The following AGBL5 variants were observed in gnomAD, a reference collection of about 807,000 sequenced individuals.
AGBL5 encodes the protein cytosolic carboxypeptidase-like protein 5.
AGBL5 carries 51 observed loss-of-function variants against 88.0 expected under a neutral mutation model. That is an observed-to-expected ratio of 0.58 (90% CI 0.46 to 0.73). The LOEUF (loss-of-function observed/expected upper bound fraction) is 0.73. Ranked by LOEUF, AGBL5 falls within the 30% of genes least tolerant of loss-of-function variation. AGBL5 has a pLI of 0.00. For synonymous variants in AGBL5, 446 were observed against 438.8 expected (o/e 1.02, Z -0.21); for missense variants, 1,031 against 1,162.2 (o/e 0.89, Z 1.64).
Position 27,053,453 on chromosome 2 carries a change from G to C in AGBL5, c.267G>C (p.Lys89Asn). ...GAGGAATGCCAGGAAAACTCATCAA[G>C]ATCAACATTATGAACATGAACAAGC... The part of the protein sequence containing the change: ...VRGGMPGKLI[K>N]INIMNMNKQS... Residue 89 changes from lysine (K) to asparagine (N), a missense_variant, in exon 3 of 15, where the codon AAG (lysine) becomes AAC (asparagine). Coordinates refer to ENST00000360131, the MANE Select transcript of AGBL5 (RefSeq NM_021831.6). This position sits in a 1 kb window ranked among gnomAD's most constrained non-coding sequence, Gnocchi z 4.9. 6.2e-7 allele frequency: 1 copy of C among 1,614,090 alleles called. No individual in the cohort carries two copies. The highest frequency in any genetic ancestry group is 1.1e-5 in the South Asian group (1 of 91,086).
At chr2:27,067,430 T>C in intron 11 of AGBL5, 64 bp from the exon 12 acceptor site, 1 of 1,553,798 alleles carries the variant, frequency 6.4e-7, no homozygotes, top group Non-Finnish European at 8.8e-7. Flanking sequence ...AGCAGGTCAG[T>C]GAAGGCTGCC....
chr2:27,055,391 C>T (rs1031749218), intron 6 of AGBL5, 138 bp downstream of exon 6: 96 of 1,207,676 alleles, frequency 7.9e-5, no homozygotes, highest in Admixed American at 2.7e-4. Context: ...ATCTCATCTT[C>T]CTGAGAAAGC....
chr2:27,053,034 G>A lies in AGBL5; in HGVS notation c.76G>A (p.Glu26Lys). The A allele has an allele frequency of 1.2e-6, 2 of 1,613,850 alleles. No individual in the cohort carries two copies. The stretch of plus-strand genomic sequence containing the variant: ...GAATCTAGCCCACGTGGAGAAGGTG[G>A]AATCTTTGTCCAGTGATGGGGAAGG... Reference protein sequence around the residue: ...SGNLAHVEKVESLSSDGEGVG... With the variant: ...SGNLAHVEKVKSLSSDGEGVG... The change falls in exon 2 of 15, where the codon GAA (glutamate) becomes AAA (lysine). Residue 26 changes from glutamate (E) to lysine (K), a missense_variant. Around this residue, in one of 2 missense-constraint regions of AGBL5, gnomAD observed 540 missense variants for 678.2 expected, o/e 0.80. Transcript: ENST00000360131. This position sits in a 1 kb window ranked among gnomAD's most constrained non-coding sequence, Gnocchi z 4.9.
At chr2:27,051,989 T>TCCCTGCCTAAC (rs1668176844) in intron 1 of AGBL5, 196 bp downstream of exon 1, 1 of 152,692 alleles carries the variant, frequency 6.5e-6, no homozygotes, top group Non-Finnish European at 1.5e-5. Flanking sequence ...CCCTGCCTAA[T>TCCCTGCCTAAC]CCCCTGCCGC....
At position 27,053,635 on chromosome 2, in the gene AGBL5, C is replaced by A. The variant is rs534587693; in HGVS notation, c.387+62C>A. 1.3e-6 allele frequency: 2 copies of A among 1,545,038 alleles called. No homozygotes were observed. The highest frequency in any genetic ancestry group is 2.8e-5 in the African/African-American group (2 of 72,012). The stretch of plus-strand genomic sequence containing the variant: ...GCTAAAAGTAGAGAGGAAAGTAAAG[C>A]GTTTTTTTTTCCTTGATACAAGTAT... On this transcript the variant is annotated intron_variant, in intron 3 of 14. Transcript: ENST00000360131. The surrounding 1 kb of genome is among the most constrained non-coding windows in gnomAD (Gnocchi z 4.9).
intron 11 of AGBL5, among the ~76,000 whole-genome samples, chr2:27,065,054 T>C (rs1668921148): frequency 6.6e-6 from 1 of 152,180 alleles, no homozygotes; most frequent in Non-Finnish European, 1.5e-5. Flanking sequence ...GTGCCTGACC[T>C]GGTTTGGACC....
upstream of AGBL5, among the ~76,000 whole-genome samples, chr2:27,050,436 G>GC: frequency 6.6e-6 from 1 of 152,368 alleles, no homozygotes; most frequent in South Asian, 2.1e-4. Context: ...CGGTCGCAAA[G>GC]CCCCTGTGAG....
chr2:27,069,242 G>A (rs993092141), intron 13 of AGBL5: 109 of 1,355,890 alleles, frequency 8.0e-5, no homozygotes, highest in Non-Finnish European at 1.0e-4. Context: ...AAAGCATAGA[G>A]GGCTCTGAGA....
upstream of AGBL5, among the ~76,000 whole-genome samples, chr2:27,051,211 G>C (rs76952917): frequency 3.5e-4 from 54 of 152,354 alleles, no homozygotes; most frequent in East Asian, 8.7e-3. Flanking sequence ...CTAAGCAGCA[G>C]GCGGGGGATT....
chr2:27,067,447 T>G (rs373389192), intron 11 of AGBL5, 47 bp from the exon 12 acceptor site: 1 of 1,589,952 alleles, frequency 6.3e-7, no homozygotes, highest in East Asian at 2.3e-5. Context: ...TGCCTCATAG[T>G]GCCCCACTTA....
intron 8 of AGBL5, chr2:27,057,014 C>CT: frequency 1.7e-6 from 1 of 571,500 alleles, no homozygotes; most frequent in Non-Finnish European, 2.9e-6. Context: ...AAACAAAAAA[C>CT]AACACCCAGT....
chr2:27,057,331 GGA>G lies in AGBL5; in HGVS notation c.1565_1566del (p.Gly522AlafsTer12). 1 of 1,613,898 alleles carries G rather than the reference GGA, an allele frequency of 6.2e-7. No individual in the cohort carries two copies. The highest frequency in any genetic ancestry group is 8.5e-7 in the Non-Finnish European group (1 of 1,179,920). On this transcript the variant is annotated frameshift_variant, in exon 9 of 15. Coordinates refer to ENST00000360131, the MANE Select transcript of AGBL5 (RefSeq NM_021831.6). LOFTEE classifies it high-confidence loss of function. The part of the protein sequence containing the change: ...SYTLECNYNT[G>X]RSVNSIPAAC... ...CACACTTGAATGCAACTACAACACT[GGA>G]CGCTCAGTAAACAGCATCCCTGCTG...
intron 11 of AGBL5, among the ~76,000 whole-genome samples, chr2:27,064,103 C>G (rs1036048197): frequency 1.3e-5 from 2 of 152,188 alleles, no homozygotes; most frequent in Admixed American, 1.3e-4. Context: ...CTACTGTGCA[C>G]TGTCAGCTGG....
chr2:27,069,949 C>G (rs1669195900), intron 14 of AGBL5, 143 bp from the exon 15 acceptor site: 3 of 1,494,462 alleles, frequency 2.0e-6, no homozygotes, highest in African/African-American at 1.4e-5. Context: ...GTTCCAGCGT[C>G]AAACCACTGT....
At chr2:27,064,723 T>C (rs1275437861) in intron 11 of AGBL5, among the ~76,000 whole-genome samples, 1 of 141,038 alleles carries the variant, frequency 7.1e-6, no homozygotes, top group Non-Finnish European at 1.5e-5. Context: ...TTCCATTCAA[T>C]TTTTTTTTTT....
At chr2:27,060,057 G>C (rs957859777) in intron 11 of AGBL5, among the ~76,000 whole-genome samples, 9 of 152,254 alleles carry the variant, frequency 5.9e-5, no homozygotes, top group African/African-American at 2.2e-4. Context: ...ACTGAGGCAG[G>C]AGAATCGCTT....
At chr2:27,069,348 C>T (rs1191957181) in intron 13 of AGBL5, 4 of 985,262 alleles carry the variant, frequency 4.1e-6, no homozygotes, top group Non-Finnish European at 4.8e-6. Flanking sequence ...ATGCTGGATC[C>T]GTTTGCCACC....
chr2:27,070,199 T>C lies in AGBL5; in HGVS notation c.2597T>C (p.Leu866Ser). 1.2e-6 allele frequency: 2 copies of C among 1,614,254 alleles called. No homozygotes were observed. The highest frequency in any genetic ancestry group is 1.3e-5 in the African/African-American group (1 of 75,078). The change falls in exon 15 of 15, where the codon TTG (leucine) becomes TCG (serine). Residue 866 changes from leucine (L) to serine (S), a missense_variant. By Grantham distance (145) the Leu-to-Ser change is moderately radical. This residue lies in a region of AGBL5 where 491 missense variants were observed against 484.0 expected (regional missense o/e 1.01). Transcript: ENST00000360131. ...PSWNCYSRGP[L>S]GQPEVCFVPK... ...TGGAATTGTTACAGCAGGGGTCCCT[T>C]GGGCCAACCTGAGGTTTGTTTTGTC...
chr2:27,054,376 A>G (rs745485583), intron 4 of AGBL5: 45 of 558,358 alleles, frequency 8.1e-5, no homozygotes, highest in Admixed American at 1.4e-4. Flanking sequence ...ACGGAGAACA[A>G]CTCCGACTAC....
Sources: gnomAD v4.1 joint callset for allele counts (sites outside exome capture counted in the v4.1 genomes callset) on GRCh38, gnomAD v4.1.1 for gene constraint, gnomAD v4.1.1 regional missense constraint, Gnocchi (gnomAD v3.1) non-coding constraint, MANE v1.5 for transcripts, NCBI Gene and HGNC (gene_info 2026-07-23, HGNC 2026-07-21) for gene names.